The following NRK variants were observed in gnomAD, a reference collection of about 807,000 sequenced individuals.
NRK encodes the protein nik-related protein kinase.
In NRK, 67 loss-of-function variants were observed where a neutral mutation model predicts 125.2. That is an observed-to-expected ratio of 0.54 (90% CI 0.44 to 0.66). NRK has a LOEUF of 0.66. Among genes scored for constraint, NRK ranks in the 30% least tolerant of loss-of-function variants. The pLI is 0.00. For synonymous variants in NRK, 458 were observed against 429.0 expected (o/e 1.07, Z -0.84); for missense variants, 1,224 against 1,192.9 (o/e 1.03, Z -0.38).
chrX:105,909,092 A>T lies in NRK; in HGVS notation c.1451A>T (p.Gln484Leu). 4 of 1,211,245 alleles carry T rather than the reference A, an allele frequency of 3.3e-6. No individual in the cohort carries two copies. The highest frequency in any genetic ancestry group is 4.5e-6 in the Non-Finnish European group (4 of 894,850). The change falls in exon 13 of 29, where the codon CAG (glutamine) becomes CTG (leucine). Residue 484 changes from glutamine (Q) to leucine (L), a missense_variant. Gln to Leu is a moderately radical substitution (Grantham distance 113). Coordinates refer to ENST00000243300, the MANE Select transcript of NRK (RefSeq NM_198465.4). ...AGGGTGCTCATGCCACTACAGGCAC[A>T]GGTTAGGGCACCTAGGCTTCTGCAG... ...AARVLMPLQA[Q>L]VRAPRLLQVQ...
chrX:105,879,499 A>G (rs897689817), intron 2 of NRK, among the ~76,000 whole-genome samples: 1 of 111,446 alleles, frequency 9.0e-6, no homozygotes, highest in African/African-American at 3.3e-5. Context: ...TCTGTAGCTT[A>G]TACTTGCATT....
At position 105,822,831 on chromosome X, in the gene NRK, C is replaced by G; in HGVS notation, c.-15C>G. On this transcript the variant is annotated 5_prime_UTR_variant, in exon 1 of 29. Coordinates refer to ENST00000243300, the MANE Select transcript of NRK (RefSeq NM_198465.4). ...CCCAATTCAGTCGCCCGCTCCCGTTCGGCTCCTCGAAGCCATGGCGGGACC... is the reference window on the plus strand; with the variant it reads ...CCCAATTCAGTCGCCCGCTCCCGTTGGGCTCCTCGAAGCCATGGCGGGACC... 3 of 1,167,889 alleles carry G rather than the reference C, an allele frequency of 2.6e-6. No individual in the cohort carries two copies. Among genetic ancestry groups the G allele is most frequent in the Non-Finnish European group, 3.4e-6 (3 of 871,817 alleles).
intron 24 of NRK, 99 bp from the exon 25 acceptor site, chrX:105,945,773 T>A (rs934932974): frequency 1.6e-5 from 11 of 691,638 alleles, no homozygotes; most frequent in East Asian, 9.7e-5. Flanking sequence ...CAATGAATCC[T>A]GTTTGGCCTT....
chrX:105,836,631 TG>T (rs1476871243), intron 2 of NRK, among the ~76,000 whole-genome samples: 1 of 112,037 alleles, frequency 8.9e-6, no homozygotes, highest in Non-Finnish European at 1.9e-5. Flanking sequence ...ATTCAACTTT[TG>T]GAAATATATG....
chrX:105,857,149 TAAAC>T (rs1383113793), intron 2 of NRK, among the ~76,000 whole-genome samples: 1 of 111,870 alleles, frequency 8.9e-6, no homozygotes, highest in African/African-American at 3.2e-5. Context: ...TTTTCTTTCT[TAAAC>T]AATCATTATT....
chrX:105,857,817 C>G (rs1393882680), intron 2 of NRK, among the ~76,000 whole-genome samples: 1 of 111,892 alleles, frequency 8.9e-6, no homozygotes, highest in Admixed American at 9.5e-5. Flanking sequence ...TTAAAACTAA[C>G]TCTGCAAAAT....
chrX:105,945,924 C>T lies in NRK; in HGVS notation c.4112C>T (p.Ala1371Val). ...DSEGDYMSYQ[A>V]YIRILAKIQA... ...GAAGGAGACTACATGTCCTATCAAG[C>T]CTATATACGAATACTGGCAAAAATA... The change falls in exon 25 of 29, where the codon GCC (alanine) becomes GTC (valine). Residue 1371 changes from alanine (A) to valine (V), a missense_variant. Transcript: ENST00000243300. The T allele has an allele frequency of 1.7e-6, 2 of 1,205,380 alleles. No individual in the cohort carries two copies. Among genetic ancestry groups the T allele is most frequent in the African/African-American group, 1.7e-5 (1 of 57,582 alleles).
chrX:105,844,025 G>C (rs866526117), intron 2 of NRK, among the ~76,000 whole-genome samples: 3 of 105,837 alleles, frequency 2.8e-5, no homozygotes, highest in Admixed American at 1.0e-4. Context: ...GTGTCTGTGT[G>C]TGTGTGTGTG....
intron 4 of NRK, among the ~76,000 whole-genome samples, chrX:105,882,796 G>C (rs966298797): frequency 1.8e-5 from 2 of 111,587 alleles, no homozygotes; most frequent in African/African-American, 6.5e-5. Flanking sequence ...CAGAGGACCA[G>C]CTAAAACAGA....
At chrX:105,880,461 C>A (rs1361744814) in intron 3 of NRK, among the ~76,000 whole-genome samples, 1 of 110,970 alleles carries the variant, frequency 9.0e-6, no homozygotes, top group Non-Finnish European at 1.9e-5. Context: ...CCACATAAAA[C>A]AATGCTTCTT....
rs868733068 is a variant in NRK, at chrX:105,909,794, C to T, written c.2153C>T (p.Ser718Leu). ...SSWRPEKLELSDLEARRQRRQ... is the reference protein window; with the variant it reads ...SSWRPEKLELLDLEARRQRRQ... The stretch of plus-strand genomic sequence containing the variant: ...TGGAGACCTGAAAAGCTTGAACTCT[C>T]GGATTTAGAAGCCCGCAGGCAAAGG... Residue 718 changes from serine (S) to leucine (L), a missense_variant, in exon 13 of 29, where the codon TCG becomes TTG. Coordinates refer to ENST00000243300, the MANE Select transcript of NRK (RefSeq NM_198465.4). 7 of 1,181,116 alleles carry T rather than the reference C, an allele frequency of 5.9e-6. No individual in the cohort carries two copies. The highest frequency in any genetic ancestry group is 4.8e-5 in the Admixed American group (2 of 41,255).
intron 4 of NRK, among the ~76,000 whole-genome samples, chrX:105,884,050 C>T (rs754064925): frequency 8.9e-6 from 1 of 112,514 alleles, no homozygotes; most frequent in Non-Finnish European, 1.9e-5. Context: ...AACTTATTAA[C>T]TGAACTTTGC....
At chrX:105,852,749 G>A (rs2039487862) in intron 2 of NRK, among the ~76,000 whole-genome samples, 1 of 111,479 alleles carries the variant, frequency 9.0e-6, no homozygotes, top group Non-Finnish European at 1.9e-5. Flanking sequence ...GAAGTGGCAT[G>A]AGTGTGCACC....
chrX:105,831,339 T>G (rs969208202), intron 2 of NRK, among the ~76,000 whole-genome samples: 5 of 111,833 alleles, frequency 4.5e-5, no homozygotes, highest in Non-Finnish European at 9.4e-5. Flanking sequence ...ACATAACATC[T>G]AAAAATTAGC....
At chrX:105,950,487 A>T (rs953907381) in intron 27 of NRK, among the ~76,000 whole-genome samples, 1 of 107,474 alleles carries the variant, frequency 9.3e-6, no homozygotes, top group Non-Finnish European at 1.9e-5. Context: ...CTATTATAGA[A>T]AAGAGAAGTT....
intron 2 of NRK, among the ~76,000 whole-genome samples, chrX:105,861,223 A>G (rs2039598349): frequency 8.9e-6 from 1 of 112,098 alleles, no homozygotes; most frequent in Non-Finnish European, 1.9e-5. Context: ...TTTCCCTAAC[A>G]ACTAATAATG....
intron 2 of NRK, among the ~76,000 whole-genome samples, chrX:105,879,773 A>C (rs1355740156): frequency 2.7e-5 from 3 of 111,161 alleles, no homozygotes; most frequent in African/African-American, 6.5e-5. Context: ...TCACATAATC[A>C]ATTGAAAAAA....
intron 27 of NRK, among the ~76,000 whole-genome samples, chrX:105,952,387 T>G (rs889398758): frequency 1.8e-5 from 2 of 112,122 alleles, no homozygotes; most frequent in African/African-American, 6.5e-5. Flanking sequence ...CAATTAGGTT[T>G]AAGGCAATTA....
intron 2 of NRK, among the ~76,000 whole-genome samples, chrX:105,856,276 C>T (rs1278252386): frequency 1.8e-5 from 2 of 111,431 alleles, no homozygotes; most frequent in Non-Finnish European, 3.8e-5. Flanking sequence ...ACTTTTGCCA[C>T]TTGATCTTCA....
Sources: allele counts gnomAD v4.1 joint callset (sites outside exome capture counted in the v4.1 genomes callset), GRCh38; gene constraint gnomAD v4.1.1; transcripts MANE v1.5; gene names NCBI Gene and HGNC (gene_info 2026-07-23, HGNC 2026-07-21).